Variants in LHFPL6 observed in about 807,000 individuals in gnomAD.
The protein encoded by LHFPL6 is LHFPL tetraspan subfamily member 6, also known as LHFPL tetraspan subfamily member 6 protein.
A neutral mutation model predicts 20.6 loss-of-function variants in LHFPL6; 9 were observed. That is an observed-to-expected ratio of 0.44 (90% CI 0.26 to 0.76). The LOEUF (loss-of-function observed/expected upper bound fraction) is 0.76, where lower values mean the gene tolerates loss of function less well. Ranked by LOEUF, LHFPL6 falls within the 30% of genes least tolerant of loss-of-function variation. The pLI is 0.20. For synonymous variants in LHFPL6, 105 were observed against 98.7 expected, an observed-to-expected ratio of 1.06 and a Z score of -0.38; for missense variants, 218 against 253.5, an observed-to-expected ratio of 0.86 and a Z score of 0.95.
intron 2 of LHFPL6, among the ~76,000 whole-genome samples, chr13:39,534,923 A>T (rs1391529477): frequency 6.6e-6 from 1 of 152,230 alleles, no homozygotes; most frequent in Non-Finnish European, 1.5e-5. Flanking sequence ...TTAAAACAAC[A>T]AAAATTTGTT....
chr13:39,447,327 C>G (rs1872319017), intron 2 of LHFPL6, among the ~76,000 whole-genome samples: 1 of 152,056 alleles, frequency 6.6e-6, no homozygotes, highest in Non-Finnish European at 1.5e-5. Flanking sequence ...TTTAAGCTTT[C>G]TCTTGCTGTT....
intron 3 of LHFPL6, among the ~76,000 whole-genome samples, chr13:39,366,192 A>T (rs1378882483): frequency 6.6e-6 from 1 of 152,242 alleles, no homozygotes; most frequent in East Asian, 1.9e-4. Context: ...GAGTGATAAC[A>T]CTATGACTGG....
At chr13:39,601,950 ACT>A (rs1872965159) in intron 1 of LHFPL6, among the ~76,000 whole-genome samples, 2 of 151,872 alleles carry the variant, frequency 1.3e-5, no homozygotes, top group Admixed American at 6.6e-5. Flanking sequence ...ATTACCAGAC[ACT>A]CTTTGTACTC....
At chr13:39,450,659 C>T (rs1046442111) in intron 2 of LHFPL6, among the ~76,000 whole-genome samples, 3 of 152,090 alleles carry the variant, frequency 2.0e-5, no homozygotes, top group Non-Finnish European at 4.4e-5. Context: ...AAGTGGGTGG[C>T]TTCTTGATTT....
intron 2 of LHFPL6, among the ~76,000 whole-genome samples, chr13:39,535,719 G>C (rs911470284): frequency 8.5e-5 from 13 of 152,292 alleles, no homozygotes; most frequent in South Asian, 6.2e-4. Flanking sequence ...ACATTTTATA[G>C]CTAAATTAAA....
At chr13:39,535,618 C>CT (rs1870593346) in intron 2 of LHFPL6, among the ~76,000 whole-genome samples, 2 of 152,190 alleles carry the variant, frequency 1.3e-5, no homozygotes, top group Admixed American at 6.5e-5. Flanking sequence ...CCAGGATGTT[C>CT]TATGAATTCA....
intron 3 of LHFPL6, among the ~76,000 whole-genome samples, chr13:39,372,008 G>A (rs866701518): frequency 2.6e-5 from 4 of 152,228 alleles, no homozygotes; most frequent in Non-Finnish European, 5.9e-5. Flanking sequence ...TACAGATGGC[G>A]GATGGTTACA....
intron 3 of LHFPL6, among the ~76,000 whole-genome samples, chr13:39,364,580 CT>C (rs1294363241): frequency 3.9e-5 from 6 of 152,180 alleles, no homozygotes; most frequent in African/African-American, 1.4e-4. Flanking sequence ...GGAGCGGCTT[CT>C]GAATTCTTAT....
intron 2 of LHFPL6, among the ~76,000 whole-genome samples, chr13:39,496,065 G>C (rs1324085071): frequency 1.3e-5 from 2 of 152,152 alleles, no homozygotes; most frequent in Non-Finnish European, 2.9e-5. Context: ...ATGGAAAAGG[G>C]AGATTAGAGA....
chr13:39,405,500 A>G (rs1198871787), intron 2 of LHFPL6, among the ~76,000 whole-genome samples: 1 of 152,192 alleles, frequency 6.6e-6, no homozygotes, highest in Non-Finnish European at 1.5e-5. Context: ...GTGCTCTAAA[A>G]TATTTACCCT....
intron 3 of LHFPL6, among the ~76,000 whole-genome samples, chr13:39,362,691 C>T (rs9548747): frequency 0.53 from 80,742 of 152,154 alleles, 22,130 homozygotes; most frequent in East Asian, 0.67. Flanking sequence ...GCACAGCACA[C>T]GGTGAGGCAG....
chr13:39,424,387 T>G (rs866935500), intron 2 of LHFPL6, among the ~76,000 whole-genome samples: 1 of 151,904 alleles, frequency 6.6e-6, no homozygotes, highest in African/African-American at 2.4e-5. Context: ...ATGAAAACTG[T>G]GAAAAATGAG....
intron 2 of LHFPL6, among the ~76,000 whole-genome samples, chr13:39,388,209 G>A (rs1178099447): frequency 6.6e-6 from 1 of 152,150 alleles, no homozygotes; most frequent in Non-Finnish European, 1.5e-5. Flanking sequence ...TATACTTCGG[G>A]TTTCCTTAAA....
At chr13:39,427,415 A>C (rs1871673202) in intron 2 of LHFPL6, among the ~76,000 whole-genome samples, 1 of 152,186 alleles carries the variant, frequency 6.6e-6, no homozygotes, top group African/African-American at 2.4e-5. Flanking sequence ...TAGGTTTTTC[A>C]TATGTGTCCT....
chr13:39,390,118 G>A (rs747914585), intron 2 of LHFPL6, among the ~76,000 whole-genome samples: 2 of 151,022 alleles, frequency 1.3e-5, no homozygotes, highest in African/African-American at 2.4e-5. Context: ...AGTAAATCAG[G>A]AGCCCCACAC....
intron 2 of LHFPL6, among the ~76,000 whole-genome samples, chr13:39,565,376 T>C (rs1871678552): frequency 6.6e-6 from 1 of 152,220 alleles, no homozygotes; most frequent in African/African-American, 2.4e-5. Flanking sequence ...GCAAATTACA[T>C]ACGACAATAC....
Position 39,581,246 on chromosome 13 carries a change from G to T in LHFPL6, c.385+19586C>A, listed in dbSNP as rs537299202. ...CAGAGTTCCAGATCTGCCTCATCTG[G>T]ACTGCAAGATTATTATGGTAAAACC... On this transcript the variant is annotated intron_variant, in intron 2 of 3. Transcript: ENST00000379589. 2.2e-4 allele frequency among the ~76,000 whole-genome samples: 33 copies of T among 152,186 alleles called. No homozygotes were observed. In the East Asian group the frequency reaches 6.2e-3, roughly 28 times the overall value.
At chr13:39,451,075 A>T (rs1286121162) in intron 2 of LHFPL6, among the ~76,000 whole-genome samples, 1 of 152,186 alleles carries the variant, frequency 6.6e-6, no homozygotes, top group Non-Finnish European at 1.5e-5. Context: ...CTGGATTGTA[A>T]ACACCAGTTG....
Position 39,562,467 on chromosome 13 carries a change from C to T in LHFPL6, c.385+38365G>A, listed in dbSNP as rs866215998. Among the ~76,000 whole-genome samples, 270 of 114,220 alleles carry T rather than the reference C, an allele frequency of 2.4e-3. 3 individuals carry two copies. Among genetic ancestry groups the T allele is most frequent in the African/African-American group, 5.0e-3 (148 of 29,664 alleles). 74.9% of individuals were successfully genotyped at this position (114,220 alleles called of 152,430 possible). ...ATATACACATATATACATATATACA[C>T]ATATACACATATACATATATACACA... On this transcript the variant is annotated intron_variant, in intron 2 of 3. Coordinates refer to ENST00000379589, the MANE Select transcript of LHFPL6 (RefSeq NM_005780.3).
Sources: allele counts gnomAD v4.1 joint callset (sites outside exome capture counted in the v4.1 genomes callset), GRCh38; gene constraint gnomAD v4.1.1; transcripts MANE v1.5; gene names NCBI Gene and HGNC (gene_info 2026-07-23, HGNC 2026-07-21).